The following CEP128 variants were observed in gnomAD, a reference collection of about 807,000 sequenced individuals.
The protein encoded by CEP128 is centrosomal protein 128.
CEP128 carries 132 observed loss-of-function variants against 156.7 expected under a neutral mutation model. That is an observed-to-expected ratio of 0.84 (90% CI 0.73 to 0.97). The LOEUF (loss-of-function observed/expected upper bound fraction) is 0.97, where lower values mean the gene tolerates loss of function less well. Among genes scored for constraint, CEP128 ranks in the 50% least tolerant of loss-of-function variants. The pLI is 0.00. For synonymous variants in CEP128, 469 were observed against 448.9 expected (o/e 1.04, Z -0.57); for missense variants, 1,252 against 1,281.9 (o/e 0.98, Z 0.36).
chr14:80,675,788 A>C (rs1896035747), intron 19 of CEP128, among the ~76,000 whole-genome samples: 1 of 152,056 alleles, frequency 6.6e-6, no homozygotes, highest in Admixed American at 6.5e-5. Context: ...ATATTTTCCC[A>C]TATGGATAAA....
chr14:80,823,092 A>G (rs8022788), intron 13 of CEP128, among the ~76,000 whole-genome samples: 62,125 of 152,070 alleles, frequency 0.41, 13,727 homozygotes, highest in Non-Finnish European at 0.5. Context: ...CTTGGCACAA[A>G]AGCCTTGTGC....
At chr14:80,947,505 T>G (rs72693053) in intron 2 of CEP128, among the ~76,000 whole-genome samples, 30,809 of 152,090 alleles carry the variant, frequency 0.2, 3,263 homozygotes, top group Admixed American at 0.27. Context: ...TTTTGCAAAA[T>G]TTATTAAGAT....
At chr14:80,631,310 C>T (rs1228577088) in intron 19 of CEP128, among the ~76,000 whole-genome samples, 1 of 151,826 alleles carries the variant, frequency 6.6e-6, no homozygotes, top group East Asian at 1.9e-4. Context: ...AAAACTATTA[C>T]AAGACTCAGC....
At chr14:80,503,530 C>T (rs890612885) in intron 24 of CEP128, among the ~76,000 whole-genome samples, 3 of 152,186 alleles carry the variant, frequency 2.0e-5, no homozygotes, top group African/African-American at 7.2e-5. Context: ...GCAAAAGTAA[C>T]AGCAGTATAA....
chr14:80,893,556 T>C (rs911853860), intron 8 of CEP128, among the ~76,000 whole-genome samples: 1 of 151,492 alleles, frequency 6.6e-6, no homozygotes, highest in African/African-American at 2.4e-5. Flanking sequence ...GTTAATTTAC[T>C]TCAATGTAAT....
intron 9 of CEP128, among the ~76,000 whole-genome samples, chr14:80,842,874 G>A (rs908463087): frequency 7.2e-5 from 11 of 151,856 alleles, no homozygotes; most frequent in South Asian, 2.1e-4. Context: ...TCTTTTACAC[G>A]TTGAAGATCA....
At chr14:80,634,974 T>C (rs1482657454) in intron 19 of CEP128, among the ~76,000 whole-genome samples, 4 of 152,208 alleles carry the variant, frequency 2.6e-5, no homozygotes, top group Non-Finnish European at 5.9e-5. Context: ...ATGTTTGTGG[T>C]AGGCCACTAA....
At position 80,729,057 on chromosome 14, in the gene CEP128, GGGTGTGTGTGTGTGTGTGT is replaced by G. The variant is rs1264697119; in HGVS notation, c.2806+13999_2806+14017del. On this transcript the variant is annotated intron_variant, in intron 19 of 24. Coordinates refer to ENST00000555265, the MANE Select transcript of CEP128 (RefSeq NM_152446.5). ...CCCTAGTCCCAGGCTGGGCTGGTGG[GGGTGTGTGTGTGTGTGTGT>G]GTGTGTGTGTGTGTGTGTGTGTGTG... 4.9e-5 allele frequency among the ~76,000 whole-genome samples: 5 copies of G among 102,170 alleles called. No homozygotes were observed. In the East Asian group the frequency reaches 8.8e-4, roughly 18 times the overall value. The allele number at this position is 102,170 out of a possible 152,430, so 67.0% of individuals were successfully genotyped here.
chr14:80,559,036 G>C (rs984703854), intron 21 of CEP128, among the ~76,000 whole-genome samples: 3 of 152,132 alleles, frequency 2.0e-5, no homozygotes, highest in African/African-American at 7.2e-5. Flanking sequence ...AGTACATCTT[G>C]ACATCAGAAA....
chr14:80,853,395 T>C (rs2140125812), intron 9 of CEP128, among the ~76,000 whole-genome samples: 1 of 151,994 alleles, frequency 6.6e-6, no homozygotes, highest in Non-Finnish European at 1.5e-5. Context: ...AGTATGTCAG[T>C]AAAGCTATTA....
At chr14:80,816,257 GAC>G (rs886492475) in intron 13 of CEP128, among the ~76,000 whole-genome samples, 25 of 151,248 alleles carry the variant, frequency 1.7e-4, no homozygotes, top group Middle Eastern at 6.8e-3. Context: ...TAGTCAAAAA[GAC>G]ACAGTTTCCT....
intron 2 of CEP128, among the ~76,000 whole-genome samples, chr14:80,934,795 T>C (rs1308562405): frequency 6.6e-6 from 1 of 151,950 alleles, no homozygotes; most frequent in Non-Finnish European, 1.5e-5. Flanking sequence ...TGGAAACATA[T>C]ATAAACCAAG....
chr14:80,530,754 T>C, intron 22 of CEP128, 55 bp downstream of exon 22: 1 of 1,260,970 alleles, frequency 7.9e-7, no homozygotes. Flanking sequence ...CAGGAAGATG[T>C]CAAGTGTTCT....
At chr14:80,942,873 T>C (rs927213297), upstream of CEP128, among the ~76,000 whole-genome samples, 4 of 152,126 alleles carry the variant, frequency 2.6e-5, no homozygotes, top group Admixed American at 2.6e-4. Flanking sequence ...AATTAGCACA[T>C]AAATTTGATA....
chr14:80,615,795 C>T (rs1012450044), intron 19 of CEP128, among the ~76,000 whole-genome samples: 1 of 152,072 alleles, frequency 6.6e-6, no homozygotes, highest in African/African-American at 2.4e-5. Flanking sequence ...TTGCACTGAG[C>T]CAAGATGGCG....
intron 9 of CEP128, among the ~76,000 whole-genome samples, chr14:80,850,261 T>C (rs1259461934): frequency 6.6e-6 from 1 of 151,766 alleles, no homozygotes. Flanking sequence ...GTTAATTAGA[T>C]TTTTTTCATT....
chr14:80,607,826 G>A (rs1892845848), intron 19 of CEP128, among the ~76,000 whole-genome samples: 1 of 152,106 alleles, frequency 6.6e-6, no homozygotes, highest in Non-Finnish European at 1.5e-5. Context: ...TTATACAATA[G>A]CTTCCCCCAC....
At chr14:80,754,220 T>C (rs1032918707) in intron 18 of CEP128, among the ~76,000 whole-genome samples, 17 of 152,232 alleles carry the variant, frequency 1.1e-4, no homozygotes, top group Non-Finnish European at 8.8e-5. Context: ...CATATTTTAC[T>C]ATTGCTAAAT....
downstream of CEP128, among the ~76,000 whole-genome samples, chr14:80,496,201 G>A (rs1034946088): frequency 1.3e-5 from 2 of 152,040 alleles, no homozygotes; most frequent in African/African-American, 4.8e-5. Context: ...CACAATGACT[G>A]GCATATAGTA....
Sources: allele counts gnomAD v4.1 joint callset (sites outside exome capture counted in the v4.1 genomes callset), GRCh38; gene constraint gnomAD v4.1.1; transcripts MANE v1.5; gene names NCBI Gene and HGNC (gene_info 2026-07-23, HGNC 2026-07-21).